Variants in ADGRG3 observed in about 807,000 individuals in gnomAD.
ADGRG3 encodes G protein-coupled receptor 97.
In ADGRG3, 39 loss-of-function variants were observed where a neutral mutation model predicts 54.3. The observed-to-expected ratio is 0.72, with a 90% confidence interval of 0.56 to 0.94. The LOEUF (loss-of-function observed/expected upper bound fraction) is 0.94, where lower values mean the gene tolerates loss of function less well. Among genes scored for constraint, ADGRG3 ranks in the 40% least tolerant of loss-of-function variants. The pLI, the probability that ADGRG3 is intolerant of heterozygous loss-of-function variation, is 0.00. For synonymous variants in ADGRG3, 312 were observed against 290.0 expected, an observed-to-expected ratio of 1.08 and a Z score of -0.77; for missense variants, 654 against 694.6, an observed-to-expected ratio of 0.94 and a Z score of 0.66.
At chr16:57,668,712 G>C (rs2048097064) in intron 1 of ADGRG3, among the ~76,000 whole-genome samples, 1 of 152,196 alleles carries the variant, frequency 6.6e-6, no homozygotes, top group African/African-American at 2.4e-5. Context: ...GTGTCTCCCT[G>C]ACAGGCCTGG....
chr16:57,678,456 C>A lies in ADGRG3; in HGVS notation c.492+140C>A, dbSNP rs1362824261. On this transcript the variant is annotated intron_variant, in intron 4 of 11. Coordinates refer to ENST00000333493, the MANE Select transcript of ADGRG3 (RefSeq NM_170776.5). ...AGCCTCTTAGTGTTTCTAATGCAGC[C>A]CGTGGCCATCTCAGACACCTGTCAC... 1.5e-5 allele frequency: 11 copies of A among 752,030 alleles called. 1 individual carries two copies. The African/African-American group carries it at 1.9e-4, about 13-fold the overall frequency. 46.6% of individuals were successfully genotyped at this position (752,030 alleles called of 1,614,324 possible).
At chr16:57,671,927 G>A (rs2048168011) in intron 1 of ADGRG3, among the ~76,000 whole-genome samples, 1 of 152,188 alleles carries the variant, frequency 6.6e-6, no homozygotes, top group Non-Finnish European at 1.5e-5. Context: ...GGAAGGCCAG[G>A]GTGAGCGGAT....
At chr16:57,667,769 C>T (rs1166703392), upstream of ADGRG3, among the ~76,000 whole-genome samples, 1 of 152,230 alleles carries the variant, frequency 6.6e-6, no homozygotes, top group Non-Finnish European at 1.5e-5. Context: ...GCTCTCCTCC[C>T]ACACCCTCCA....
intron 1 of ADGRG3, 70 bp downstream of exon 1, chr16:57,668,475 G>C: frequency 7.2e-7 from 1 of 1,387,450 alleles, no homozygotes; most frequent in Non-Finnish European, 9.9e-7. Flanking sequence ...GAGGGATCCA[G>C]GGACAGACGC....
chr16:57,672,184 G>GA (rs752949011), intron 1 of ADGRG3, among the ~76,000 whole-genome samples: 1,679 of 145,234 alleles, frequency 0.012, 12 homozygotes, highest in Middle Eastern at 0.021. Flanking sequence ...TGTCTCAAAA[G>GA]AAAAAAAAAA....
In ADGRG3 at chr16:57,680,489, C is replaced by T. The variant is rs754589997; in HGVS notation, c.769-16C>T. 4 of 1,601,850 alleles carry T rather than the reference C, an allele frequency of 2.5e-6. No individual in the cohort carries two copies. In the South Asian group the frequency reaches 4.4e-5, roughly 18 times the overall value. ...GCCTCCAACTGACGTGGTCCCGGTT[C>T]TGGGGTCACCCACAGAGACCCACCT... On this transcript the variant is annotated splice_polypyrimidine_tract_variant and intron_variant, in intron 7 of 11. Coordinates refer to ENST00000333493, the MANE Select transcript of ADGRG3 (RefSeq NM_170776.5).
At chr16:57,678,422 C>A (rs2048302785) in intron 4 of ADGRG3, 106 bp downstream of exon 4, 1 of 1,122,272 alleles carries the variant, frequency 8.9e-7, no homozygotes, top group Non-Finnish European at 1.3e-6. Context: ...GGGGACAGAG[C>A]AGGCAGTGAG....
chr16:57,678,036 C>T, intron 3 of ADGRG3, 134 bp from the exon 4 acceptor site: 1 of 1,059,122 alleles, frequency 9.4e-7, no homozygotes, highest in South Asian at 1.5e-5. Context: ...CCCAGGTGTC[C>T]TGCCTCTCAG....
At chr16:57,666,271 C>G (rs1260145937), upstream of ADGRG3, among the ~76,000 whole-genome samples, 1 of 152,244 alleles carries the variant, frequency 6.6e-6, no homozygotes, top group Non-Finnish European at 1.5e-5. Context: ...TCTCCTGCTT[C>G]TCAAACATTT....
At chr16:57,682,386 C>G in intron 8 of ADGRG3, 1 of 645,384 alleles carries the variant, frequency 1.5e-6, no homozygotes, top group South Asian at 6.9e-5. Context: ...GCCTCTGTGT[C>G]AGCATTTGGC....
Position 57,676,222 on chromosome 16 carries a change from C to T in ADGRG3, c.229C>T (p.His77Tyr), listed in dbSNP as rs2048261014. The change falls in exon 3 of 12, where the codon CAT becomes TAT. Residue 77 changes from histidine to tyrosine, a missense_variant. Coordinates refer to ENST00000333493, the MANE Select transcript of ADGRG3 (RefSeq NM_170776.5). The stretch of plus-strand genomic sequence containing the variant: ...CAGATACTGGCTAAACTACGAGGCC[C>T]ATCTGATGAAGGAAGGTTTGACGCA... ...LQRYWLNYEA[H>Y]LMKEGLTQKV... 6.2e-7 allele frequency: 1 copy of T among 1,613,972 alleles called. No homozygotes were observed. Among genetic ancestry groups the T allele is most frequent in the Non-Finnish European group, 8.5e-7 (1 of 1,180,006 alleles).
chr16:57,674,986 A>C, intron 2 of ADGRG3, among the ~76,000 whole-genome samples: 1 of 105,678 alleles, frequency 9.5e-6, no homozygotes, highest in Admixed American at 1.3e-4. Context: ...ACAGAGTGAG[A>C]CTCCATCTCA....
chr16:57,686,101 G>C, intron 11 of ADGRG3, 175 bp downstream of exon 11: 1 of 639,650 alleles, frequency 1.6e-6, no homozygotes, highest in Non-Finnish European at 2.7e-6. Flanking sequence ...TTTGGCTGCT[G>C]TATTAGTCCG....
intron 8 of ADGRG3, among the ~76,000 whole-genome samples, chr16:57,683,084 G>T (rs1179007211): frequency 6.6e-6 from 1 of 152,266 alleles, no homozygotes. Flanking sequence ...AAAGGCAGAA[G>T]AAGAGGAGTC....
At chr16:57,675,012 A>AAAAGGC (rs35561154) in intron 2 of ADGRG3, among the ~76,000 whole-genome samples, 2 of 115,342 alleles carry the variant, frequency 1.7e-5, no homozygotes, top group Non-Finnish European at 3.6e-5. Flanking sequence ...AAAAAAAAAA[A>AAAAGGC]AGCAGCAGCA....
chr16:57,666,129 A>G, upstream of ADGRG3, among the ~76,000 whole-genome samples: 1 of 151,986 alleles, frequency 6.6e-6, no homozygotes, highest in East Asian at 1.9e-4. Flanking sequence ...CCCTCCTTAC[A>G]GGCTTCTAGG....
Position 57,684,395 on chromosome 16 carries a change from C to G in ADGRG3, c.1168C>G (p.Pro390Ala). ...CCATTTCCCCTTGTGCCCAGGCCTG[C>G]CCGCCCTGATGGTCATCGGCACTGG... is the stretch of plus-strand genomic sequence containing the variant. Reference protein sequence around the residue: ...LKLSLVGWGLPALMVIGTGSA... With the variant: ...LKLSLVGWGLAALMVIGTGSA... Residue 390 changes from proline to alanine, a missense_variant, in exon 10 of 12, where the codon CCC becomes GCC. Coordinates refer to ENST00000333493, the MANE Select transcript of ADGRG3 (RefSeq NM_170776.5). 6.2e-7 allele frequency: 1 copy of G among 1,613,170 alleles called. No individual in the cohort carries two copies. The highest frequency in any genetic ancestry group is 1.7e-4 in the Middle Eastern group (1 of 6,060).
At position 57,688,447 on chromosome 16, in the gene ADGRG3, G is replaced by A. The variant is rs773580809; in HGVS notation, c.1636G>A (p.Ala546Thr). ...STARLDQAHS[A>T]SQE ...TGCAAGATTGGACCAGGCCCACTCC[G>A]CATCTCAAGAATAGGAAGGCACGGC... The change falls in exon 12 of 12, where the codon GCA (alanine) becomes ACA (threonine). Residue 546 changes from alanine to threonine, a missense_variant. Physicochemically the swap from Ala to Thr is moderately conservative, Grantham distance 58 (BLOSUM62 0). Transcript: ENST00000333493. The A allele has an allele frequency of 3.7e-5, 59 of 1,601,642 alleles. No homozygotes were observed. Among genetic ancestry groups the A allele is most frequent in the Middle Eastern group, 3.3e-4 (2 of 6,042 alleles).
chr16:57,678,372 CCA>C (rs1250552514), intron 4 of ADGRG3, 56 bp downstream of exon 4: 5 of 1,560,026 alleles, frequency 3.2e-6, no homozygotes, highest in Non-Finnish European at 4.4e-6. Context: ...GGGCTCCATG[CCA>C]CAGTTTGCTG....
Sources: gnomAD v4.1 joint callset for allele counts (sites outside exome capture counted in the v4.1 genomes callset) on GRCh38, gnomAD v4.1.1 for gene constraint, MANE v1.5 for transcripts, NCBI Gene and HGNC (gene_info 2026-07-23, HGNC 2026-07-21) for gene names.